The following SLIT3 variants were observed in gnomAD, a reference collection of about 807,000 sequenced individuals.
The protein encoded by SLIT3 is slit homolog 3 protein.
SLIT3 carries 68 observed loss-of-function variants against 184.0 expected under a neutral mutation model. The ratio of observed to expected loss-of-function variants is 0.37; its 90% CI spans 0.30 to 0.45. SLIT3 has a LOEUF of 0.45. SLIT3 is among the 20% of genes least tolerant of loss of function. The pLI is 1.00. For missense variants in SLIT3, 1,707 were observed against 2,026.0 expected (o/e 0.84, Z 3.02); for synonymous variants, 831 against 828.6 (o/e 1.00, Z -0.05).
In SLIT3 at chr5:169,258,679, T is replaced by C. The variant is rs547215624; in HGVS notation, c.198-7220A>G. Among the ~76,000 whole-genome samples the C allele has an allele frequency of 2.0e-5, 3 of 152,132 alleles. No homozygotes were observed. In the South Asian group the frequency reaches 6.2e-4, roughly 32 times the overall value. The stretch of plus-strand genomic sequence containing the variant: ...CATCTGTTTGACACCTTGGGTGGGG[T>C]AGGGAGAAAGAAGAATTCAGAACAA... On this transcript the variant is annotated intron_variant, in intron 1 of 35. Coordinates refer to ENST00000519560, the MANE Select transcript of SLIT3 (RefSeq NM_003062.4).
intron 4 of SLIT3, among the ~76,000 whole-genome samples, chr5:169,119,224 C>T (rs757279723): frequency 1.3e-5 from 2 of 152,300 alleles, no homozygotes; most frequent in East Asian, 1.9e-4. Flanking sequence ...AGCCTTGTTA[C>T]GCAGATGACA....
rs1315052953 is a variant in SLIT3, at chr5:169,097,317, G to C, written c.413+96162C>G. Among the ~76,000 whole-genome samples the C allele has an allele frequency of 3.9e-5, 6 of 152,056 alleles. No homozygotes were observed. The South Asian group carries it at 1.2e-3, about 32-fold the overall frequency. On this transcript the variant is annotated intron_variant, in intron 4 of 35. Coordinates refer to ENST00000519560, the MANE Select transcript of SLIT3 (RefSeq NM_003062.4). ...AGTGTGAGATGTGGTATTACAGTTTGCTTGTGTTTTACCCACAAAAGAATG... is the reference window on the plus strand; with the variant it reads ...AGTGTGAGATGTGGTATTACAGTTTCCTTGTGTTTTACCCACAAAAGAATG...
At chr5:168,740,978 A>G (rs762699376) in intron 20 of SLIT3, among the ~76,000 whole-genome samples, 3 of 152,140 alleles carry the variant, frequency 2.0e-5, no homozygotes, top group Non-Finnish European at 4.4e-5. Flanking sequence ...AGCCCGGTCC[A>G]AGGGAAGGGC....
chr5:168,710,508 A>T (rs1762522145), intron 25 of SLIT3, among the ~76,000 whole-genome samples: 1 of 152,202 alleles, frequency 6.6e-6, no homozygotes, highest in Non-Finnish European at 1.5e-5. Flanking sequence ...TTATGCCTGT[A>T]ATCCCAGCAT....
At chr5:169,187,038 A>G (rs1581032275) in intron 4 of SLIT3, among the ~76,000 whole-genome samples, 1 of 148,280 alleles carries the variant, frequency 6.7e-6, no homozygotes. Flanking sequence ...GCTGTCAAAT[A>G]CCTCGTATAA....
At chr5:168,787,730 T>C (rs1001178930) in intron 11 of SLIT3, among the ~76,000 whole-genome samples, 11 of 152,196 alleles carry the variant, frequency 7.2e-5, no homozygotes, top group Non-Finnish European at 1.6e-4. Context: ...ACTGGGTCTC[T>C]AGACCCCAAA....
intron 4 of SLIT3, among the ~76,000 whole-genome samples, chr5:168,992,531 C>G (rs1417988507): frequency 1.3e-5 from 2 of 152,216 alleles, no homozygotes; most frequent in African/African-American, 4.8e-5. Context: ...GGTCTTCAAA[C>G]TCTTTTTTAA....
intron 4 of SLIT3, among the ~76,000 whole-genome samples, chr5:169,174,700 G>C (rs1334788312): frequency 6.6e-6 from 1 of 152,038 alleles, no homozygotes; most frequent in Non-Finnish European, 1.5e-5. Context: ...ACTCATCTAA[G>C]AGTATGTCAC....
At chr5:169,247,620 T>C (rs1245740343) in intron 2 of SLIT3, among the ~76,000 whole-genome samples, 1 of 152,170 alleles carries the variant, frequency 6.6e-6, no homozygotes, top group Non-Finnish European at 1.5e-5. Flanking sequence ...GTTTCCACCT[T>C]GTGCAGGCCC....
Position 168,679,251 on chromosome 5 carries a change from T to C in SLIT3, c.3686+4715A>G, listed in dbSNP as rs960456843. Among the ~76,000 whole-genome samples the C allele has an allele frequency of 2.0e-5, 3 of 152,000 alleles. No homozygotes were observed. The South Asian group carries it at 6.2e-4, about 32-fold the overall frequency. ...TTTTTTATTTTTTGCATAGATGGAG[T>C]CTGAATATGTTGCCCAGGATACTCT... On this transcript the variant is annotated intron_variant, in intron 32 of 35. Coordinates refer to ENST00000519560, the MANE Select transcript of SLIT3 (RefSeq NM_003062.4).
intron 4 of SLIT3, among the ~76,000 whole-genome samples, chr5:169,170,259 G>T (rs558326310): frequency 6.6e-6 from 1 of 152,302 alleles, no homozygotes; most frequent in African/African-American, 2.4e-5. Flanking sequence ...TTGGGATGAA[G>T]ACCATGATGT....
At chr5:169,122,454 G>C (rs1392499917) in intron 4 of SLIT3, among the ~76,000 whole-genome samples, 1 of 152,240 alleles carries the variant, frequency 6.6e-6, no homozygotes, top group East Asian at 1.9e-4. Flanking sequence ...GCTCATCACA[G>C]CTTTTCTCTG....
At chr5:169,253,969 G>C (rs1765862916) in intron 1 of SLIT3, among the ~76,000 whole-genome samples, 1 of 152,180 alleles carries the variant, frequency 6.6e-6, no homozygotes, top group Admixed American at 6.5e-5. Context: ...ACGGAGGAGG[G>C]ATGGGCTCTC....
At chr5:169,262,798 C>A (rs1766242013) in intron 1 of SLIT3, among the ~76,000 whole-genome samples, 2 of 152,182 alleles carry the variant, frequency 1.3e-5, no homozygotes, top group African/African-American at 4.8e-5. Context: ...CTGTGCTAGG[C>A]ACTTCATTGG....
Position 168,772,916 on chromosome 5 carries a change from C to T in SLIT3, c.1324G>A (p.Asp442Asn), listed in dbSNP as rs780360494. The T allele has an allele frequency of 1.4e-5, 22 of 1,611,880 alleles. No individual in the cohort carries two copies. The highest frequency in any genetic ancestry group is 4.4e-5 in the South Asian group (4 of 90,734). ...TCGGCCAGCCACTTCAAGTGGCAGTCGCACACAAATGGGTTTTGGGCTAAG... is the reference window on the plus strand; with the variant it reads ...TCGGCCAGCCACTTCAAGTGGCAGTTGCACACAAATGGGTTTTGGGCTAAG... ...LHLAQNPFVC[D>N]CHLKWLADYL... The change falls in exon 14 of 36, where the codon GAC (aspartate) becomes AAC (asparagine). Residue 442 changes from aspartate to asparagine, a missense_variant. By Grantham distance (23) the Asp-to-Asn change is conservative. This residue lies in a region of SLIT3 where 1,307 missense variants were observed against 1,511.6 expected (regional missense o/e 0.86). Transcript: ENST00000519560.
At chr5:169,246,863 G>A (rs1429988317) in intron 2 of SLIT3, among the ~76,000 whole-genome samples, 1 of 142,540 alleles carries the variant, frequency 7.0e-6, no homozygotes, top group East Asian at 2.1e-4. Context: ...AGGTTGCAGT[G>A]AGCCAAGATC....
chr5:168,797,321 T>C (rs892429344), intron 9 of SLIT3, among the ~76,000 whole-genome samples: 1 of 152,178 alleles, frequency 6.6e-6, no homozygotes, highest in African/African-American at 2.4e-5. Context: ...AGTCAGGTGG[T>C]GCGTGCTCTC....
At chr5:169,081,934 C>T (rs1759078806) in intron 4 of SLIT3, among the ~76,000 whole-genome samples, 1 of 152,222 alleles carries the variant, frequency 6.6e-6, no homozygotes, top group African/African-American at 2.4e-5. Flanking sequence ...CGGGCCCACA[C>T]AGCTGGGTTG....
intron 4 of SLIT3, among the ~76,000 whole-genome samples, chr5:169,158,136 C>A (rs1002933573): frequency 1.3e-5 from 2 of 152,040 alleles, no homozygotes; most frequent in African/African-American, 4.8e-5. Context: ...GAGAAGATCC[C>A]AAACTGGATA....
Sources: allele counts gnomAD v4.1 joint callset (sites outside exome capture counted in the v4.1 genomes callset), GRCh38; gene constraint gnomAD v4.1.1; regional missense constraint gnomAD v4.1.1; transcripts MANE v1.5; gene names NCBI Gene and HGNC (gene_info 2026-07-23, HGNC 2026-07-21).